HARBI1: variants seen among roughly 807,000 people sequenced by gnomAD.
HARBI1 encodes the protein harbinger transposase derived 1, also known as putative nuclease HARBI1.
In HARBI1, 15 loss-of-function variants were observed where a neutral mutation model predicts 25.3. That is an observed-to-expected ratio of 0.59 (90% CI 0.40 to 0.91). The LOEUF (loss-of-function observed/expected upper bound fraction) is 0.91. HARBI1 is among the 40% of genes least tolerant of loss of function. The probability of loss-of-function intolerance (pLI) is 0.00; values close to 1 mark genes in which losing one functional copy is unlikely to be tolerated. For missense variants in HARBI1, 396 were observed against 445.8 expected (o/e 0.89, Z 1.01); for synonymous variants, 168 against 160.5 (o/e 1.05, Z -0.35).
intron 2 of HARBI1, among the ~76,000 whole-genome samples, chr11:46,607,992 G>A (rs951267585): frequency 1.3e-5 from 2 of 151,882 alleles, no homozygotes; most frequent in Non-Finnish European, 2.9e-5. Context: ...AAACCTAAGG[G>A]TTGTTTCTTA....
chr11:46,612,628 T>C (rs2135399606), intron 2 of HARBI1, among the ~76,000 whole-genome samples: 1 of 152,292 alleles, frequency 6.6e-6, no homozygotes. Flanking sequence ...TACTATCATT[T>C]TTATGCAGAT....
At chr11:46,608,508 G>A (rs537602646) in intron 2 of HARBI1, among the ~76,000 whole-genome samples, 11 of 151,970 alleles carry the variant, frequency 7.2e-5, no homozygotes, top group Admixed American at 3.9e-4. Flanking sequence ...GCAATAGCAC[G>A]ATCGTAGCTC....
chr11:46,610,388 G>A (rs981901196), intron 2 of HARBI1, among the ~76,000 whole-genome samples: 87 of 150,562 alleles, frequency 5.8e-4, no homozygotes, highest in African/African-American at 1.7e-3. Flanking sequence ...GGCCAGGCGC[G>A]GTGGGCTCAC....
intron 2 of HARBI1, chr11:46,604,277 G>A (rs2044856359): frequency 2.1e-6 from 2 of 966,456 alleles, no homozygotes; most frequent in South Asian, 4.8e-5. Context: ...GGGAGGCTGA[G>A]GCGGGTGGAT....
At chr11:46,604,717 A>G (rs2044872213) in intron 2 of HARBI1, 1 of 985,276 alleles carries the variant, frequency 1.0e-6, no homozygotes, top group African/African-American at 1.7e-5. Flanking sequence ...GGCAGAGATC[A>G]GAACTCAGGT....
chr11:46,607,677 G>A (rs930839752), intron 2 of HARBI1, among the ~76,000 whole-genome samples: 1 of 152,110 alleles, frequency 6.6e-6, no homozygotes, highest in African/African-American at 2.4e-5. Flanking sequence ...AGGGGATTAG[G>A]ATCAGAATTG....
At chr11:46,615,005 C>T (rs544432562) in intron 2 of HARBI1, among the ~76,000 whole-genome samples, 3 of 151,798 alleles carry the variant, frequency 2.0e-5, no homozygotes, top group Admixed American at 6.6e-5. Flanking sequence ...CTCCGCCTCC[C>T]GGGTTCAAGC....
chr11:46,609,626 G>A (rs2135390126), intron 2 of HARBI1, among the ~76,000 whole-genome samples: 1 of 152,150 alleles, frequency 6.6e-6, no homozygotes. Context: ...GAGGAAATCA[G>A]TTTCCACATC....
chr11:46,605,090 C>T (rs1037226011), intron 2 of HARBI1, among the ~76,000 whole-genome samples: 2 of 152,124 alleles, frequency 1.3e-5, no homozygotes, highest in African/African-American at 4.8e-5. Flanking sequence ...ACAAATAGGC[C>T]CTGGAGTACC....
Position 46,603,528 on chromosome 11 carries a change from C to T in HARBI1, c.*2G>A. 3.2e-6 allele frequency: 5 copies of T among 1,576,270 alleles called. No individual in the cohort carries two copies. The highest frequency in any genetic ancestry group is 4.3e-6 in the Non-Finnish European group (5 of 1,158,390). On this transcript the variant is annotated 3_prime_UTR_variant, in exon 3 of 3. Coordinates refer to ENST00000326737, the MANE Select transcript of HARBI1 (RefSeq NM_173811.4). Reference sequence around the variant, plus strand: ...AAGTATCCCTCCTCTCCACCTTCTACATTAGCTAAAATGAGTGAGCATTAG... The same window carrying T: ...AAGTATCCCTCCTCTCCACCTTCTATATTAGCTAAAATGAGTGAGCATTAG...
intron 2 of HARBI1, among the ~76,000 whole-genome samples, chr11:46,613,874 T>C (rs574170726): frequency 2.0e-5 from 3 of 152,176 alleles, no homozygotes; most frequent in Non-Finnish European, 2.9e-5. Flanking sequence ...TCTCGCTTTG[T>C]TGCCCAGGCT....
intron 2 of HARBI1, among the ~76,000 whole-genome samples, chr11:46,606,917 C>T (rs565392664): frequency 7.9e-5 from 12 of 152,358 alleles, no homozygotes; most frequent in African/African-American, 2.9e-4. Flanking sequence ...ACCTGCTTCA[C>T]CTCCCAAGGT....
Position 46,603,595 on chromosome 11 carries a change from T to G in HARBI1, c.985A>C (p.Met329Leu). The change falls in exon 3 of 3, where the codon ATG (methionine) becomes CTG (leucine). Residue 329 changes from methionine (M) to leucine (L), a missense_variant. Met to Leu is a conservative substitution (Grantham distance 15). Coordinates refer to ENST00000326737, the MANE Select transcript of HARBI1 (RefSeq NM_173811.4). The stretch of plus-strand genomic sequence containing the variant: ...TCAGCCTCTAAGTCCAGGGACTCCA[T>G]GTGCTCATACTCCTCTTCCGGGGGC... ...EQPPEEEYEHMESLDLEADRI... is the reference protein window; with the variant it reads ...EQPPEEEYEHLESLDLEADRI... 1 of 1,614,072 alleles carries G rather than the reference T, an allele frequency of 6.2e-7. No homozygotes were observed.
intron 2 of HARBI1, chr11:46,604,533 G>C: frequency 1.0e-6 from 1 of 984,824 alleles, no homozygotes; most frequent in Non-Finnish European, 1.2e-6. Context: ...AATGAAACAG[G>C]AAAAAAGAGA....
chr11:46,617,638 C>G (rs916498550), upstream of HARBI1: 3 of 365,132 alleles, frequency 8.2e-6, no homozygotes, highest in Non-Finnish European at 1.5e-5. Context: ...CGGGAGTGAC[C>G]GCTTAACCAG....
chr11:46,608,369 T>G (rs1184550115), intron 2 of HARBI1, among the ~76,000 whole-genome samples: 1 of 152,148 alleles, frequency 6.6e-6, no homozygotes, highest in Non-Finnish European at 1.5e-5. Context: ...ATCTTGTCAT[T>G]CCTTATAATC....
At chr11:46,616,754 A>C (rs2045518423) in intron 1 of HARBI1, 1 of 985,988 alleles carries the variant, frequency 1.0e-6, no homozygotes, top group Non-Finnish European at 1.2e-6. Flanking sequence ...TTCATTATCC[A>C]AAGACTTCTG....
In HARBI1 at chr11:46,602,875, C is replaced by T. The variant is rs2044817841; in HGVS notation, c.*655G>A. 7.3e-6 allele frequency: 1 copy of T among 137,424 alleles called. No homozygotes were observed. The highest frequency in any genetic ancestry group is 2.3e-4 in the South Asian group (1 of 4,280). 8.5% of individuals were successfully genotyped at this position (137,424 alleles called of 1,614,324 possible). A position where few individuals can be genotyped will look rare whatever the true frequency, so the allele number is the denominator to read the frequency against. ...TTTTTTTTTTTGAGACGGAGTTTCG[C>T]TCTTCTTGCCTAGGCTGGAGTGCAA... On this transcript the variant is annotated 3_prime_UTR_variant, in exon 3 of 3. Coordinates refer to ENST00000326737, the MANE Select transcript of HARBI1 (RefSeq NM_173811.4).
chr11:46,604,734 C>T (rs1049779120), intron 2 of HARBI1: 10 of 982,138 alleles, frequency 1.0e-5, no homozygotes, highest in Non-Finnish European at 1.2e-5. Flanking sequence ...AGGTGTTCTG[C>T]CTTCCTATAT....
Sources: gnomAD v4.1 joint callset for allele counts (sites outside exome capture counted in the v4.1 genomes callset) on GRCh38, gnomAD v4.1.1 for gene constraint, MANE v1.5 for transcripts, NCBI Gene and HGNC (gene_info 2026-07-23, HGNC 2026-07-21) for gene names.